The following ZNF521 variants were observed in gnomAD, a reference collection of about 807,000 sequenced individuals.
The protein encoded by ZNF521 is LYST-interacting protein 3.
ZNF521 carries 14 observed loss-of-function variants against 105.5 expected under a neutral mutation model. That is an observed-to-expected ratio of 0.13 (90% CI 0.09 to 0.21). The LOEUF is 0.21. Ranked by LOEUF, ZNF521 falls within the 10% of genes least tolerant of loss-of-function variation. The probability of loss-of-function intolerance (pLI) is 1.00; values close to 1 mark genes in which losing one functional copy is unlikely to be tolerated. For missense variants in ZNF521, 1,233 were observed against 1,629.7 expected (o/e 0.76, Z 4.19); for synonymous variants, 635 against 606.0 (o/e 1.05, Z -0.70).
At chr18:25,233,927 C>T (rs1330286771) in intron 3 of ZNF521, among the ~76,000 whole-genome samples, 1 of 152,180 alleles carries the variant, frequency 6.6e-6, no homozygotes, top group East Asian at 1.9e-4. Flanking sequence ...TGAATTCCAT[C>T]TTCCGCAGCC....
At position 25,300,410 on chromosome 18, in the gene ZNF521, T is replaced by C. The variant is rs112175802; in HGVS notation, c.220+21598A>G. On this transcript the variant is annotated intron_variant, in intron 3 of 7. Coordinates refer to ENST00000361524, the MANE Select transcript of ZNF521 (RefSeq NM_015461.3). ...ATTGTAGCAATATGATAGGTAGACA[T>C]ATACACACTCGATGACAATATAATA... Among the ~76,000 whole-genome samples the C allele has an allele frequency of 7.9e-5, 12 of 152,308 alleles. No individual in the cohort carries two copies. In the East Asian group the frequency reaches 2.3e-3, roughly 29 times the overall value.
chr18:25,242,101 T>C (rs1204087249), intron 3 of ZNF521, among the ~76,000 whole-genome samples: 2 of 152,208 alleles, frequency 1.3e-5, no homozygotes, highest in Non-Finnish European at 2.9e-5. Flanking sequence ...ACCTAATAGT[T>C]GCAACCTGTT....
chr18:25,304,327 C>T (rs1163929310), intron 3 of ZNF521, among the ~76,000 whole-genome samples: 1 of 152,190 alleles, frequency 6.6e-6, no homozygotes, highest in Non-Finnish European at 1.5e-5. Flanking sequence ...ACTGTCACAA[C>T]CTAACTCACT....
At chr18:25,299,801 G>A (rs1911529129) in intron 3 of ZNF521, among the ~76,000 whole-genome samples, 1 of 152,134 alleles carries the variant, frequency 6.6e-6, no homozygotes, top group South Asian at 2.1e-4. Context: ...AAAAGCATAA[G>A]ATCAATTAAA....
At chr18:25,318,720 G>A (rs2145135414) in intron 3 of ZNF521, among the ~76,000 whole-genome samples, 1 of 152,144 alleles carries the variant, frequency 6.6e-6, no homozygotes, top group Middle Eastern at 3.4e-3. Flanking sequence ...TGAACATATG[G>A]TTTTTATTGG....
intron 5 of ZNF521, among the ~76,000 whole-genome samples, chr18:25,142,983 C>A (rs866347389): frequency 2.6e-5 from 4 of 152,102 alleles, no homozygotes; most frequent in Non-Finnish European, 5.9e-5. Flanking sequence ...CAAAATCACA[C>A]CTGCTAGAGA....
intron 4 of ZNF521, among the ~76,000 whole-genome samples, chr18:25,211,334 A>G (rs1004779827): frequency 2.6e-5 from 4 of 152,146 alleles, no homozygotes; most frequent in Non-Finnish European, 5.9e-5. Flanking sequence ...TTTTATGTTA[A>G]AGATTAAATG....
intron 4 of ZNF521, among the ~76,000 whole-genome samples, chr18:25,210,413 C>T (rs901159456): frequency 3.3e-5 from 5 of 152,110 alleles, no homozygotes; most frequent in African/African-American, 1.2e-4. Context: ...CTCCCTATAA[C>T]AAAAAATTTA....
intron 7 of ZNF521, among the ~76,000 whole-genome samples, chr18:25,072,541 G>A (rs1375147488): frequency 6.6e-6 from 1 of 152,164 alleles, no homozygotes. Flanking sequence ...GGGGAAAAAG[G>A]TGCCGAAAGG....
chr18:25,344,650 G>C (rs553648375), intron 2 of ZNF521, among the ~76,000 whole-genome samples: 3 of 152,204 alleles, frequency 2.0e-5, no homozygotes, highest in Non-Finnish European at 4.4e-5. Context: ...CAGGTTTGAC[G>C]TGGAATATCA....
intron 5 of ZNF521, among the ~76,000 whole-genome samples, chr18:25,131,374 G>A (rs942953018): frequency 4.6e-5 from 7 of 152,158 alleles, no homozygotes; most frequent in Non-Finnish European, 8.8e-5. Flanking sequence ...TTCCCAAGAA[G>A]TTTTGTACAC....
At chr18:25,310,553 T>C (rs1912246548) in intron 3 of ZNF521, among the ~76,000 whole-genome samples, 1 of 152,074 alleles carries the variant, frequency 6.6e-6, no homozygotes, top group African/African-American at 2.4e-5. Context: ...AGAGAATAGG[T>C]ATATATTCTT....
intron 4 of ZNF521, among the ~76,000 whole-genome samples, chr18:25,212,318 T>G (rs766009623): frequency 6.6e-6 from 1 of 151,160 alleles, no homozygotes; most frequent in Admixed American, 6.6e-5. Context: ...GAGACCAGCC[T>G]GGCCAACATA....
intron 3 of ZNF521, among the ~76,000 whole-genome samples, chr18:25,296,183 T>C (rs1459275419): frequency 1.3e-5 from 2 of 152,194 alleles, no homozygotes; most frequent in African/African-American, 4.8e-5. Context: ...TTTATTCCTA[T>C]AAATTTACAA....
At chr18:25,242,271 G>A (rs1449478289) in intron 3 of ZNF521, among the ~76,000 whole-genome samples, 1 of 152,144 alleles carries the variant, frequency 6.6e-6, no homozygotes, top group East Asian at 1.9e-4. Flanking sequence ...TCTCTTCTGA[G>A]CAGGTTCTTT....
At chr18:25,064,151 C>T (rs1269047357) in intron 7 of ZNF521, among the ~76,000 whole-genome samples, 2 of 152,224 alleles carry the variant, frequency 1.3e-5, no homozygotes, top group Non-Finnish European at 2.9e-5. Flanking sequence ...GCAAGGGCTA[C>T]TGGAGAGGAA....
At chr18:25,249,213 G>A (rs1907935946) in intron 3 of ZNF521, among the ~76,000 whole-genome samples, 1 of 150,690 alleles carries the variant, frequency 6.6e-6, no homozygotes, top group South Asian at 2.1e-4. Flanking sequence ...GTGCAATCTC[G>A]GCTCACTGCT....
intron 5 of ZNF521, among the ~76,000 whole-genome samples, chr18:25,127,625 T>A (rs189442164): frequency 6.6e-6 from 1 of 152,152 alleles, no homozygotes; most frequent in East Asian, 1.9e-4. Context: ...GAATTTATAT[T>A]CAGAAATTTG....
chr18:25,124,429 T>C (rs2034500967), intron 5 of ZNF521, among the ~76,000 whole-genome samples: 1 of 152,226 alleles, frequency 6.6e-6, no homozygotes, highest in Admixed American at 6.5e-5. Flanking sequence ...GGCAATTGAC[T>C]GCTTTTCATA....
Sources: gnomAD v4.1 joint callset for allele counts (sites outside exome capture counted in the v4.1 genomes callset) on GRCh38, gnomAD v4.1.1 for gene constraint, MANE v1.5 for transcripts, NCBI Gene and HGNC (gene_info 2026-07-23, HGNC 2026-07-21) for gene names.